The following HEPHL1 variants were observed in gnomAD, a reference collection of about 807,000 sequenced individuals.
HEPHL1 encodes ferroxidase HEPHL1.
In HEPHL1, 123 loss-of-function variants were observed where a neutral mutation model predicts 122.0. The ratio of observed to expected loss-of-function variants is 1.01; its 90% CI spans 0.87 to 1.17. The LOEUF (loss-of-function observed/expected upper bound fraction) is 1.17, where lower values mean the gene tolerates loss of function less well. Among genes scored for constraint, HEPHL1 ranks in the 50% most tolerant of loss-of-function variants. The probability of loss-of-function intolerance (pLI) is 0.00; values close to 1 mark genes in which losing one functional copy is unlikely to be tolerated. For missense variants in HEPHL1, 1,452 were observed against 1,430.5 expected, an observed-to-expected ratio of 1.01 and a Z score of -0.24; for synonymous variants, 527 against 508.9, an observed-to-expected ratio of 1.04 and a Z score of -0.48.
rs745761986 is a variant in HEPHL1 at position 94,086,134 on chromosome 11, C to T, written c.2025C>T (p.Ser675=). Residue 675 remains serine (S), a synonymous_variant, in exon 11 of 20, where the codon TCC becomes TCT. Transcript: ENST00000315765. The part of the protein sequence containing the change: ...TIHLRGTHRD[S]LALFPHMATT... Reference sequence around the variant, plus strand: ...ACCTACGAGGGACTCACCGAGACTCCCTGGCCCTGTTTCCCCACATGGCCA... The same window carrying T: ...ACCTACGAGGGACTCACCGAGACTCTCTGGCCCTGTTTCCCCACATGGCCA... The T allele has an allele frequency of 1.2e-6, 2 of 1,613,168 alleles. No homozygotes were observed. The highest frequency in any genetic ancestry group is 2.7e-5 in the African/African-American group (2 of 74,842).
At chr11:94,081,016 C>A (rs1683528658) in intron 9 of HEPHL1, among the ~76,000 whole-genome samples, 1 of 152,156 alleles carries the variant, frequency 6.6e-6, no homozygotes, top group African/African-American at 2.4e-5. Flanking sequence ...GCACTACTCA[C>A]AACAGCAAAG....
intron 9 of HEPHL1, among the ~76,000 whole-genome samples, chr11:94,080,168 C>A (rs945458762): frequency 6.6e-6 from 1 of 152,134 alleles, no homozygotes; most frequent in African/African-American, 2.4e-5. Flanking sequence ...TGATCTTTGA[C>A]AAACCTGACA....
chr11:94,039,312 C>T (rs1218337743), intron 1 of HEPHL1, among the ~76,000 whole-genome samples: 12 of 151,654 alleles, frequency 7.9e-5, no homozygotes, highest in Non-Finnish European at 1.0e-4. Context: ...GACAGATCAA[C>T]GAGACAGAAA....
chr11:94,051,875 G>T (rs1425007500), intron 2 of HEPHL1, among the ~76,000 whole-genome samples: 1 of 152,070 alleles, frequency 6.6e-6, no homozygotes, highest in East Asian at 1.9e-4. Flanking sequence ...AGTTTTCCCA[G>T]TACCATTTAT....
chr11:94,082,643 A>T, intron 10 of HEPHL1, 75 bp downstream of exon 10: 1 of 1,386,590 alleles, frequency 7.2e-7, no homozygotes, highest in Non-Finnish European at 9.8e-7. Flanking sequence ...GGTGTGTTTG[A>T]ATTATATTAA....
intron 13 of HEPHL1, among the ~76,000 whole-genome samples, chr11:94,095,068 C>T (rs1293698038): frequency 6.6e-6 from 1 of 152,130 alleles, no homozygotes; most frequent in African/African-American, 2.4e-5. Flanking sequence ...GAAGTCCTTG[C>T]CCATACCTAT....
chr11:94,038,188 T>TG (rs1359325069), intron 1 of HEPHL1, among the ~76,000 whole-genome samples: 1 of 150,706 alleles, frequency 6.6e-6, no homozygotes, highest in Admixed American at 6.6e-5. Context: ...TAAAAAGAAA[T>TG]GAGCAAAGCC....
At chr11:94,075,095 C>A in intron 8 of HEPHL1, 79 bp from the exon 9 acceptor site, 1 of 1,251,334 alleles carries the variant, frequency 8.0e-7, no homozygotes, top group Non-Finnish European at 1.1e-6. Context: ...AGGGAGGCAC[C>A]CAGGGCTGGA....
intron 2 of HEPHL1, among the ~76,000 whole-genome samples, chr11:94,049,843 G>A (rs1357240786): frequency 2.0e-5 from 3 of 151,902 alleles, no homozygotes; most frequent in Non-Finnish European, 2.9e-5. Flanking sequence ...ATATATATTT[G>A]ATCAGCTTAT....
At position 94,073,405 on chromosome 11, in the gene HEPHL1, T is replaced by C. The variant is rs747999009; in HGVS notation, c.1470T>C (p.Tyr490=). 1 of 1,559,626 alleles carries C rather than the reference T, an allele frequency of 6.4e-7. No individual in the cohort carries two copies. The highest frequency in any genetic ancestry group is 8.7e-7 in the Non-Finnish European group (1 of 1,150,642). Residue 490 remains tyrosine (Y), a synonymous_variant, in exon 8 of 20, where the codon TAT becomes TAC. Coordinates refer to ENST00000315765, the MANE Select transcript of HEPHL1 (RefSeq NM_001098672.2). ...GCATTTTACCCCATGGTGTGATCTATGACAAGGCATCTGATGCAGCCCCAA... is the reference window on the plus strand; with the variant it reads ...GCATTTTACCCCATGGTGTGATCTACGACAAGGCATCTGATGCAGCCCCAA... ...VYSILPHGVI[Y]DKASDAAPNL...
chr11:94,093,300 A>T (rs1423757301), intron 12 of HEPHL1, among the ~76,000 whole-genome samples: 1 of 152,046 alleles, frequency 6.6e-6, no homozygotes, highest in Non-Finnish European at 1.5e-5. Flanking sequence ...GGCTGCCCAT[A>T]TCAGAACTGA....
intron 13 of HEPHL1, among the ~76,000 whole-genome samples, chr11:94,093,933 A>G (rs962459377): frequency 2.1e-5 from 3 of 139,736 alleles, no homozygotes; most frequent in Non-Finnish European, 3.1e-5. Flanking sequence ...TCCAACCCCT[A>G]TACTGAGCCA....
In HEPHL1 at chr11:94,111,874, C is replaced by T. The variant is rs1190007276; in HGVS notation, c.3460C>T (p.Leu1154Phe). ...TTACCAGCAAGTCCAGTCCTGTGCT[C>T]TCCCCACGGATGCTCTGTGAACCAT... ...TDYQQVQSCA[L>F]PTDAL Residue 1154 changes from leucine (L) to phenylalanine (F), a missense_variant, in exon 20 of 20, where the codon CTC (leucine) becomes TTC (phenylalanine). Transcript: ENST00000315765. The T allele has an allele frequency of 6.6e-7, 1 of 1,521,610 alleles. No individual in the cohort carries two copies. The allele number at this position is 1,521,610 out of a possible 1,614,324, so 94.3% of individuals were successfully genotyped here. A position where few individuals can be genotyped will look rare whatever the true frequency, so the allele number is the denominator to read the frequency against.
At chr11:94,089,293 G>A (rs1209809511) in intron 12 of HEPHL1, among the ~76,000 whole-genome samples, 2 of 152,188 alleles carry the variant, frequency 1.3e-5, no homozygotes, top group Non-Finnish European at 2.9e-5. Context: ...AAAAGGGCCA[G>A]AGAAGGCAGA....
chr11:94,093,385 CT>C, intron 12 of HEPHL1, 115 bp from the exon 13 acceptor site: 1 of 1,192,812 alleles, frequency 8.4e-7, no homozygotes, highest in Non-Finnish European at 1.2e-6. Flanking sequence ...CCAGGGAGCA[CT>C]TGATCACAGC....
intron 2 of HEPHL1, among the ~76,000 whole-genome samples, chr11:94,051,369 G>A (rs12420636): frequency 0.59 from 89,027 of 151,926 alleles, 26,271 homozygotes; most frequent in South Asian, 0.68. Flanking sequence ...AGAATATCAT[G>A]TTGTAGTTTT....
chr11:94,113,871 G>A lies in HEPHL1; in HGVS notation c.*1977G>A, dbSNP rs949701630. ...GACTATGCCAATGACACTTGTTAGA[G>A]GAAATGAAACAAAATAGTGTATCTC... On this transcript the variant is annotated 3_prime_UTR_variant, in exon 20 of 20. Coordinates refer to ENST00000315765, the MANE Select transcript of HEPHL1 (RefSeq NM_001098672.2). The A allele has an allele frequency of 5.3e-5, 8 of 152,078 alleles. No homozygotes were observed. The highest frequency in any genetic ancestry group is 1.9e-4 in the African/African-American group (8 of 41,392). The allele number at this position is 152,078 out of a possible 1,614,324, so 9.4% of individuals were successfully genotyped here. A position where few individuals can be genotyped will look rare whatever the true frequency, so the allele number is the denominator to read the frequency against.
intron 2 of HEPHL1, among the ~76,000 whole-genome samples, chr11:94,053,166 T>A (rs562610196): frequency 1.1e-4 from 17 of 152,266 alleles, no homozygotes; most frequent in African/African-American, 4.1e-4. Flanking sequence ...TCCAATTTTT[T>A]ATTTTTATAT....
chr11:94,063,872 G>C (rs1946009930), intron 3 of HEPHL1, among the ~76,000 whole-genome samples, 152 bp downstream of exon 3: 1 of 152,204 alleles, frequency 6.6e-6, no homozygotes, highest in Non-Finnish European at 1.5e-5. Flanking sequence ...CACCATAGCA[G>C]AGGGCAATAA....
Sources: gnomAD v4.1 joint callset for allele counts (sites outside exome capture counted in the v4.1 genomes callset) on GRCh38, gnomAD v4.1.1 for gene constraint, MANE v1.5 for transcripts, NCBI Gene and HGNC (gene_info 2026-07-23, HGNC 2026-07-21) for gene names.